PPAT: variants seen among roughly 807,000 people sequenced by gnomAD.
The protein encoded by PPAT is phosphoribosyl pyrophosphate amidotransferase.
In PPAT, 20 loss-of-function variants were observed where a neutral mutation model predicts 60.2. The ratio of observed to expected loss-of-function variants is 0.33; its 90% CI spans 0.23 to 0.48. The LOEUF is 0.48. Among genes scored for constraint, PPAT ranks in the 20% least tolerant of loss-of-function variants. PPAT has a pLI of 0.99. For missense variants in PPAT, 349 were observed against 629.6 expected, an observed-to-expected ratio of 0.55 and a Z score of 4.77; for synonymous variants, 194 against 215.1, an observed-to-expected ratio of 0.90 and a Z score of 0.86.
intron 9 of PPAT, among the ~76,000 whole-genome samples, chr4:56,397,887 G>A (rs1242262632): frequency 2.0e-5 from 3 of 150,408 alleles, no homozygotes; most frequent in African/African-American, 7.4e-5. Flanking sequence ...CTAAAAATAC[G>A]AAAAATCAGC....
chr4:56,419,033 C>T (rs1419600279), intron 1 of PPAT, among the ~76,000 whole-genome samples: 1 of 152,202 alleles, frequency 6.6e-6, no homozygotes, highest in Non-Finnish European at 1.5e-5. Flanking sequence ...TCTTCCAAGC[C>T]CTCAGCTCAT....
In PPAT at chr4:56,396,923, G is replaced by A. The variant is rs1375174836; in HGVS notation, c.1237-184C>T. The A allele has an allele frequency of 4.3e-6, 2 of 468,836 alleles. No homozygotes were observed. The highest frequency in any genetic ancestry group is 7.1e-6 in the Non-Finnish European group (2 of 281,748). 29.0% of individuals were successfully genotyped at this position (468,836 alleles called of 1,614,324 possible). A position where few individuals can be genotyped will look rare whatever the true frequency, so the allele number is the denominator to read the frequency against. On this transcript the variant is annotated intron_variant, in intron 9 of 10. Coordinates refer to ENST00000264220, the MANE Select transcript of PPAT (RefSeq NM_002703.5). This position sits in a 1 kb window ranked among gnomAD's most constrained non-coding sequence, Gnocchi z 4.6. The stretch of plus-strand genomic sequence containing the variant: ...CACCTAATCATGAGGAAGTTTCTTT[G>A]TCTAGATATCCTACTTCTCATTTGA...
At chr4:56,433,635 A>C (rs985997175) in intron 1 of PPAT, among the ~76,000 whole-genome samples, 8 of 152,150 alleles carry the variant, frequency 5.3e-5, no homozygotes, top group Non-Finnish European at 8.8e-5. Context: ...ACAGACCACC[A>C]GGCAACCCTA....
intron 8 of PPAT, 67 bp downstream of exon 8, chr4:56,400,717 A>G: frequency 6.9e-7 from 1 of 1,452,408 alleles, no homozygotes; most frequent in South Asian, 1.4e-5. Flanking sequence ...GTTTCTCTTT[A>G]TAGGCAAGGG....
intron 9 of PPAT, among the ~76,000 whole-genome samples, chr4:56,398,837 G>A (rs1363205965): frequency 6.6e-6 from 1 of 151,050 alleles, no homozygotes; most frequent in Non-Finnish European, 1.5e-5. Flanking sequence ...TATTTTTGTA[G>A]AGACAGGGTC....
Position 56,393,414 on chromosome 4 carries a change from C to T in PPAT, c.*1938G>A, listed in dbSNP as rs1443180609. 1.3e-5 allele frequency: 2 copies of T among 150,984 alleles called. No individual in the cohort carries two copies. The highest frequency in any genetic ancestry group is 6.6e-5 in the Admixed American group (1 of 15,152). 9.4% of individuals were successfully genotyped at this position (150,984 alleles called of 1,614,324 possible). The stretch of plus-strand genomic sequence containing the variant: ...TCAACAAGGCATCACAAATAAGTCA[C>T]AAAAAGTAGGCTTAGTTTAGTTCAC... On this transcript the variant is annotated 3_prime_UTR_variant, in exon 11 of 11. Transcript: ENST00000264220.
chr4:56,401,044 G>T, intron 7 of PPAT, 133 bp from the exon 8 acceptor site: 1 of 973,020 alleles, frequency 1.0e-6, no homozygotes. Context: ...ATATGAATGT[G>T]AAAATACACA....
chr4:56,410,461 C>G, intron 1 of PPAT: 1 of 960,600 alleles, frequency 1.0e-6, no homozygotes, highest in Non-Finnish European at 1.2e-6. Flanking sequence ...ATGTGGTTTC[C>G]TAGGAAACAA....
Position 56,396,430 on chromosome 4 carries a change from A to G in PPAT, c.1357+189T>C. 2 of 489,438 alleles carry G rather than the reference A, an allele frequency of 4.1e-6. No homozygotes were observed. The highest frequency in any genetic ancestry group is 7.6e-5 in the South Asian group (2 of 26,250). 30.3% of individuals were successfully genotyped at this position (489,438 alleles called of 1,614,324 possible). On this transcript the variant is annotated intron_variant, in intron 10 of 10. Transcript: ENST00000264220. The surrounding 1 kb of genome is among the most constrained non-coding windows in gnomAD (Gnocchi z 4.6). The stretch of plus-strand genomic sequence containing the variant: ...GATCTCACCTTGGCTTAGCTCTCCA[A>G]CACAAGACTCTGTGGTGTCTGCCCA...
rs1716388390 is a variant in PPAT, at chr4:56,410,406, T to TA, written c.129-2691dup. The TA allele has an allele frequency of 1.3e-5, 6 of 460,252 alleles. No homozygotes were observed. In the South Asian group the frequency reaches 5.5e-4, roughly 42 times the overall value. The allele number at this position is 460,252 out of a possible 1,614,324, so 28.5% of individuals were successfully genotyped here. On this transcript the variant is annotated intron_variant, in intron 1 of 10. Transcript: ENST00000264220. ...ACTCCCTCAGGCAGCTTGAACCAGT[T>TA]AAACTACATCCTTTCAGCTCTTCGG...
intron 1 of PPAT, among the ~76,000 whole-genome samples, chr4:56,426,578 A>T (rs1431139268): frequency 6.6e-6 from 1 of 152,150 alleles, no homozygotes; most frequent in African/African-American, 2.4e-5. Flanking sequence ...TTCACGGTTC[A>T]TCCACGTTGT....
intron 1 of PPAT, among the ~76,000 whole-genome samples, chr4:56,429,857 A>C (rs1484736349): frequency 6.6e-6 from 1 of 152,222 alleles, no homozygotes; most frequent in African/African-American, 2.4e-5. Flanking sequence ...TGGGATTCAT[A>C]CTATATGTAC....
intron 1 of PPAT, chr4:56,414,446 T>C (rs987156689): frequency 1.3e-5 from 2 of 152,346 alleles, no homozygotes; most frequent in East Asian, 1.9e-4. Context: ...AGCCTCAGAA[T>C]TCCTTTGGCC....
intron 1 of PPAT, among the ~76,000 whole-genome samples, chr4:56,430,119 G>T (rs537063657): frequency 1.3e-5 from 2 of 152,076 alleles, no homozygotes; most frequent in African/African-American, 2.4e-5. Flanking sequence ...ATAAATAAAC[G>T]TATATCCCAT....
intron 1 of PPAT, among the ~76,000 whole-genome samples, chr4:56,418,275 C>T (rs1195442535): frequency 2.6e-5 from 4 of 152,108 alleles, no homozygotes; most frequent in Non-Finnish European, 5.9e-5. Context: ...TACACTCTAG[C>T]TTGGTGAAAG....
At chr4:56,432,656 G>T (rs991767361) in intron 1 of PPAT, among the ~76,000 whole-genome samples, 1 of 151,582 alleles carries the variant, frequency 6.6e-6, no homozygotes, top group African/African-American at 2.4e-5. Flanking sequence ...GTGGTGGGGG[G>T]CGCCTGTAGT....
chr4:56,403,456 C>T, intron 3 of PPAT, 55 bp from the exon 4 acceptor site: 1 of 1,320,896 alleles, frequency 7.6e-7, no homozygotes, highest in Non-Finnish European at 1.1e-6. Flanking sequence ...CACCCCACCC[C>T]AAACCCAGTA....
intron 1 of PPAT, among the ~76,000 whole-genome samples, chr4:56,412,520 T>C (rs1314397478): frequency 6.6e-6 from 1 of 152,132 alleles, no homozygotes; most frequent in Non-Finnish European, 1.5e-5. Flanking sequence ...CTGGCTGGTC[T>C]TGAACTCCTG....
intron 9 of PPAT, among the ~76,000 whole-genome samples, chr4:56,397,259 A>G (rs1423127596): frequency 6.6e-6 from 1 of 152,188 alleles, no homozygotes; most frequent in African/African-American, 2.4e-5. Flanking sequence ...AATTTACTAA[A>G]TTATATTCAC....
Sources: allele counts gnomAD v4.1 joint callset (sites outside exome capture counted in the v4.1 genomes callset), GRCh38; gene constraint gnomAD v4.1.1; non-coding constraint Gnocchi (gnomAD v3.1); transcripts MANE v1.5; gene names NCBI Gene and HGNC (gene_info 2026-07-23, HGNC 2026-07-21).